The following ADCY1 variants were observed in gnomAD, a reference collection of about 807,000 sequenced individuals.
The protein encoded by ADCY1 is adenylate cyclase 1, also known as adenylate cyclase type 1.
A neutral mutation model predicts 105.4 loss-of-function variants in ADCY1; 28 were observed. The observed-to-expected ratio is 0.27, with a 90% CI of 0.20 to 0.36. The LOEUF (loss-of-function observed/expected upper bound fraction) is 0.36, where lower values mean the gene tolerates loss of function less well. ADCY1 is among the 10% of genes least tolerant of loss of function. ADCY1 has a pLI of 1.00. For synonymous variants in ADCY1, 655 were observed against 623.8 expected (o/e 1.05, Z -0.75); for missense variants, 977 against 1,434.2 (o/e 0.68, Z 5.15).
chr7:45,610,795 G>A (rs1194069062), intron 3 of ADCY1, among the ~76,000 whole-genome samples: 10 of 135,736 alleles, frequency 7.4e-5, no homozygotes, highest in East Asian at 2.3e-4. Context: ...TGATGGTGGA[G>A]GTGGGGAGGT....
intron 8 of ADCY1, among the ~76,000 whole-genome samples, chr7:45,668,677 A>G (rs1449092870): frequency 2.0e-5 from 3 of 152,026 alleles, no homozygotes; most frequent in Admixed American, 6.6e-5. Context: ...CTCTTTTTCT[A>G]TTGATTGGAA....
chr7:45,662,022 C>A, intron 7 of ADCY1, 37 bp from the exon 8 acceptor site: 1 of 1,598,770 alleles, frequency 6.3e-7, no homozygotes, highest in Non-Finnish European at 8.5e-7. Flanking sequence ...GTGTCTCATT[C>A]ACAGCATTTC....
Position 45,675,594 on chromosome 7 carries a change from AT to A in ADCY1, c.1606-2266del, listed in dbSNP as rs553979531. Among the ~76,000 whole-genome samples, 1,264 of 151,200 alleles carry A rather than the reference AT, an allele frequency of 8.4e-3. 21 individuals are homozygous for A. The highest frequency in any genetic ancestry group is 0.029 in the African/African-American group (1,184 of 41,252). Reference sequence around the variant, plus strand: ...CTTTCCTTTATCTAAAAATATTATAATTTTTTTTTCATTTCTGAAGTATAAT... The same window carrying A: ...CTTTCCTTTATCTAAAAATATTATAATTTTTTTTCATTTCTGAAGTATAAT... On this transcript the variant is annotated intron_variant, in intron 8 of 19. Coordinates refer to ENST00000297323, the MANE Select transcript of ADCY1 (RefSeq NM_021116.4).
intron 19 of ADCY1, among the ~76,000 whole-genome samples, chr7:45,711,994 A>C (rs1355589519): frequency 1.3e-4 from 14 of 111,258 alleles, no homozygotes; most frequent in Non-Finnish European, 1.9e-4. Flanking sequence ...TATATATTTT[A>C]TATATTATAT....
intron 1 of ADCY1, among the ~76,000 whole-genome samples, chr7:45,589,926 A>G (rs956594327): frequency 6.6e-6 from 1 of 152,046 alleles, no homozygotes; most frequent in Non-Finnish European, 1.5e-5. Context: ...TGCCCTTCAG[A>G]TATCCCAAGG....
At position 45,648,700 on chromosome 7, in the gene ADCY1, G is replaced by T; in HGVS notation, c.1051G>T (p.Gly351Trp). The T allele has an allele frequency of 6.2e-7, 1 of 1,614,126 alleles. No homozygotes were observed. The highest frequency in any genetic ancestry group is 8.5e-7 in the Non-Finnish European group (1 of 1,179,998). ...CCACTGTCGCCGCATCAAGATTCTCGGGGACTGCTACTACTGCGTGTCGGG... is the reference window on the plus strand; with the variant it reads ...CCACTGTCGCCGCATCAAGATTCTCTGGGACTGCTACTACTGCGTGTCGGG... ...ENHCRRIKILGDCYYCVSGLT... is the reference protein window; with the variant it reads ...ENHCRRIKILWDCYYCVSGLT... The change falls in exon 5 of 20, where the codon GGG becomes TGG. Residue 351 changes from glycine (G) to tryptophan (W), a missense_variant. This residue lies in a region of ADCY1 where 196 missense variants were observed against 347.8 expected (regional missense o/e 0.56). Coordinates refer to ENST00000297323, the MANE Select transcript of ADCY1 (RefSeq NM_021116.4).
Position 45,679,728 on chromosome 7 carries a change from C to T in ADCY1, c.1918C>T (p.Leu640=). The change falls in exon 11 of 20, where the codon CTG becomes TTG. Residue 640 remains leucine (L), a synonymous_variant. Coordinates refer to ENST00000297323, the MANE Select transcript of ADCY1 (RefSeq NM_021116.4). ...IFPQSVVVLL[L]LVFCICFLVA... ...CCCCAGGAGTGTGGTCGTCCTGCTC[C>T]TGCTAGTATTCTGCATCTGCTTCCT... 6.2e-7 allele frequency: 1 copy of T among 1,614,240 alleles called. No homozygotes were observed. Among genetic ancestry groups the T allele is most frequent in the South Asian group, 1.1e-5 (1 of 91,084 alleles).
chr7:45,712,145 A>G (rs1785270636), intron 19 of ADCY1, among the ~76,000 whole-genome samples: 1 of 139,254 alleles, frequency 7.2e-6, no homozygotes, highest in South Asian at 2.1e-4. Context: ...TTTTTATTTT[A>G]AATTATTTTA....
intron 11 of ADCY1, among the ~76,000 whole-genome samples, chr7:45,681,858 A>G (rs956034397): frequency 6.6e-6 from 1 of 152,174 alleles, no homozygotes; most frequent in African/African-American, 2.4e-5. Flanking sequence ...AGTTAGTTCC[A>G]GAACACATCC....
At chr7:45,649,855 C>T (rs1794762209) in intron 5 of ADCY1, among the ~76,000 whole-genome samples, 1 of 152,208 alleles carries the variant, frequency 6.6e-6, no homozygotes, top group Admixed American at 6.5e-5. Context: ...ATGGTAGCTC[C>T]ACCTCAAGAG....
At chr7:45,603,773 CA>C (rs1793305988) in intron 2 of ADCY1, among the ~76,000 whole-genome samples, 1 of 152,110 alleles carries the variant, frequency 6.6e-6, no homozygotes, top group African/African-American at 2.4e-5. Context: ...TTTGTGATTT[CA>C]AAAAATTTAT....
rs551409278 is a variant in ADCY1 at position 45,628,692 on chromosome 7, A to G, written c.1020+5949A>G. On this transcript the variant is annotated intron_variant, in intron 4 of 19. Transcript: ENST00000297323. ...AAGGGAATCTGTCAATTTTCCTAGG[A>G]AAGGTTTACATAATACTCTGTCTTC... 8.5e-5 allele frequency among the ~76,000 whole-genome samples: 13 copies of G among 152,302 alleles called. No individual in the cohort carries two copies. In the South Asian group the frequency reaches 2.5e-3, roughly 29 times the overall value.
rs1785503923 is a variant in ADCY1 at position 45,722,893 on chromosome 7, T to TGTCA, written c.*8899_*8902dup. 6.6e-6 allele frequency: 1 copy of TGTCA among 152,660 alleles called. No homozygotes were observed. The highest frequency in any genetic ancestry group is 6.5e-5 in the Admixed American group (1 of 15,274). The allele number at this position is 152,660 out of a possible 1,614,324, so 9.5% of individuals were successfully genotyped here. On this transcript the variant is annotated 3_prime_UTR_variant, in exon 20 of 20. Coordinates refer to ENST00000297323, the MANE Select transcript of ADCY1 (RefSeq NM_021116.4). ...TATGATCAATACGGGTCTATTTTTA[T>TGTCA]GTCAACTGAACACTGTAGGGTACCT... is the stretch of plus-strand genomic sequence containing the variant.
intron 11 of ADCY1, chr7:45,680,560 G>T (rs1475889106): frequency 2.6e-5 from 4 of 152,192 alleles, no homozygotes; most frequent in Non-Finnish European, 4.4e-5. Flanking sequence ...TTTTTGAAAA[G>T]ATTAAATCTA....
intron 2 of ADCY1, among the ~76,000 whole-genome samples, chr7:45,604,134 T>C (rs2115832991): frequency 6.6e-6 from 1 of 152,364 alleles, no homozygotes; most frequent in Non-Finnish European, 1.5e-5. Context: ...ATAGTGAAAC[T>C]TTCCCAGAAT....
Position 45,592,561 on chromosome 7 carries a change from G to A in ADCY1, c.640-198G>A, listed in dbSNP as rs375794628. 3.9e-3 allele frequency among the ~76,000 whole-genome samples: 595 copies of A among 152,326 alleles called. 4 individuals are homozygous for A. Among genetic ancestry groups the A allele is most frequent in the African/African-American group, 0.014 (568 of 41,574 alleles). On this transcript the variant is annotated intron_variant, in intron 1 of 19. Transcript: ENST00000297323. Reference sequence around the variant, plus strand: ...CTGGTTACTCCTCATCCCCTGACATGCTGTCTCACAGCCGCCCGGACAGGG... The same window carrying A: ...CTGGTTACTCCTCATCCCCTGACATACTGTCTCACAGCCGCCCGGACAGGG...
chr7:45,688,594 G>A (rs1193701506), intron 14 of ADCY1, among the ~76,000 whole-genome samples: 1 of 152,134 alleles, frequency 6.6e-6, no homozygotes, highest in African/African-American at 2.4e-5. Flanking sequence ...TTAAAGTGAT[G>A]GAAATTATGT....
At chr7:45,613,539 CATT>C (rs1793648394) in intron 3 of ADCY1, among the ~76,000 whole-genome samples, 1 of 152,084 alleles carries the variant, frequency 6.6e-6, no homozygotes, top group South Asian at 2.1e-4. Context: ...AACACATACA[CATT>C]ATATATATAT....
intron 19 of ADCY1, among the ~76,000 whole-genome samples, chr7:45,711,607 G>GTATATA (rs71030888): frequency 0.012 from 840 of 69,200 alleles, 3 homozygotes; most frequent in African/African-American, 0.015. Context: ...ACTTCGTGCT[G>GTATATA]TATATATATA....
Sources: gnomAD v4.1 joint callset for allele counts (sites outside exome capture counted in the v4.1 genomes callset) on GRCh38, gnomAD v4.1.1 for gene constraint, gnomAD v4.1.1 regional missense constraint, MANE v1.5 for transcripts, NCBI Gene and HGNC (gene_info 2026-07-23, HGNC 2026-07-21) for gene names.